Variants in ARHGAP17 observed in about 807,000 individuals in gnomAD.
The protein encoded by ARHGAP17 is Rho GTPase activating protein 17, also known as rho GTPase-activating protein 17.
A neutral mutation model predicts 99.5 loss-of-function variants in ARHGAP17; 57 were observed. The observed-to-expected ratio is 0.57, with a 90% CI of 0.46 to 0.71. The LOEUF is 0.71. Among genes scored for constraint, ARHGAP17 ranks in the 30% least tolerant of loss-of-function variants. ARHGAP17 has a pLI of 0.00. For missense variants in ARHGAP17, 1,000 were observed against 1,122.4 expected (o/e 0.89, Z 1.56); for synonymous variants, 417 against 429.6 (o/e 0.97, Z 0.36).
chr16:24,924,720 G>A (rs868091645), intron 19 of ARHGAP17, among the ~76,000 whole-genome samples: 7 of 151,792 alleles, frequency 4.6e-5, no homozygotes, highest in Non-Finnish European at 7.4e-5. Flanking sequence ...AAAATTAGCC[G>A]AGCACGGTAG....
intron 19 of ARHGAP17, among the ~76,000 whole-genome samples, chr16:24,930,180 C>T (rs969363160): frequency 2.0e-5 from 3 of 152,222 alleles, no homozygotes; most frequent in Admixed American, 6.5e-5. Flanking sequence ...ACTGGGTCTA[C>T]AGGAAAATCT....
At chr16:24,977,925 T>A (rs1189533268) in intron 2 of ARHGAP17, among the ~76,000 whole-genome samples, 2 of 152,214 alleles carry the variant, frequency 1.3e-5, no homozygotes, top group African/African-American at 4.8e-5. Flanking sequence ...TTTGGGATGC[T>A]TTCTATTTTA....
intron 1 of ARHGAP17, among the ~76,000 whole-genome samples, chr16:24,995,057 A>G (rs1348767140): frequency 3.9e-5 from 6 of 152,168 alleles, no homozygotes; most frequent in Non-Finnish European, 7.3e-5. Context: ...ATGCCGAGCA[A>G]AAGGGGGAAA....
intron 3 of ARHGAP17, among the ~76,000 whole-genome samples, chr16:24,973,428 T>C (rs974017268): frequency 2.0e-5 from 3 of 152,208 alleles, no homozygotes; most frequent in African/African-American, 4.8e-5. Context: ...CTCACCATTG[T>C]TGTGGTAACT....
chr16:24,927,987 G>T (rs1222590216), intron 19 of ARHGAP17, among the ~76,000 whole-genome samples: 1 of 152,178 alleles, frequency 6.6e-6, no homozygotes, highest in African/African-American at 2.4e-5. Flanking sequence ...AATCCCATTA[G>T]CCTTAACCCA....
chr16:25,008,985 A>G (rs7204157), intron 1 of ARHGAP17, among the ~76,000 whole-genome samples: 39,567 of 152,134 alleles, frequency 0.26, 6,031 homozygotes, highest in East Asian at 0.51. Context: ...ACCCTGCTCT[A>G]TGGAGAGGTT....
intron 3 of ARHGAP17, among the ~76,000 whole-genome samples, chr16:24,972,936 A>T (rs1413181529): frequency 8.4e-6 from 1 of 119,416 alleles, no homozygotes; most frequent in Admixed American, 7.9e-5. Context: ...CATCAGGGAT[A>T]ATTTTTTTTT....
intron 2 of ARHGAP17, among the ~76,000 whole-genome samples, chr16:24,978,605 G>A (rs1010431324): frequency 3.9e-5 from 6 of 152,042 alleles, no homozygotes; most frequent in Admixed American, 6.6e-5. Flanking sequence ...GCCAGGCTCC[G>A]TTCCCAGTGC....
At chr16:24,959,268 A>G (rs1419650246) in intron 9 of ARHGAP17, among the ~76,000 whole-genome samples, 1 of 152,198 alleles carries the variant, frequency 6.6e-6, no homozygotes, top group Non-Finnish European at 1.5e-5. Context: ...TCTCTTTTGG[A>G]AAGTCCAAAA....
chr16:24,988,181 C>T (rs757032655), intron 1 of ARHGAP17, among the ~76,000 whole-genome samples: 28 of 151,804 alleles, frequency 1.8e-4, no homozygotes, highest in Non-Finnish European at 3.7e-4. Flanking sequence ...GATTAGCTGT[C>T]GTCTTAGATT....
At chr16:24,952,478 G>A (rs2051673322) in intron 11 of ARHGAP17, 108 bp from the exon 12 acceptor site, 1 of 748,458 alleles carries the variant, frequency 1.3e-6, no homozygotes, top group Non-Finnish European at 2.1e-6. Context: ...CTTCCAAGGT[G>A]TACATAACAA....
At chr16:24,977,058 G>C (rs557246741) in intron 3 of ARHGAP17, among the ~76,000 whole-genome samples, 157 bp downstream of exon 3, 1 of 152,316 alleles carries the variant, frequency 6.6e-6, no homozygotes, top group East Asian at 1.9e-4. Context: ...AAACACAAAA[G>C]AATGCTATGG....
intron 19 of ARHGAP17, among the ~76,000 whole-genome samples, chr16:24,922,481 T>G (rs1309583595): frequency 6.6e-6 from 1 of 152,182 alleles, no homozygotes; most frequent in African/African-American, 2.4e-5. Flanking sequence ...AAATGTGTTT[T>G]GGGGCATAAA....
At chr16:24,924,456 T>TTTC (rs397704015) in intron 19 of ARHGAP17, among the ~76,000 whole-genome samples, 4 of 150,538 alleles carry the variant, frequency 2.7e-5, no homozygotes, top group Non-Finnish European at 5.9e-5. Context: ...TTTTTTTTTT[T>TTTC]AAATAAAATA....
intron 1 of ARHGAP17, among the ~76,000 whole-genome samples, chr16:24,981,269 G>A (rs1344828417): frequency 5.3e-5 from 8 of 151,986 alleles, no homozygotes; most frequent in Admixed American, 5.2e-4. Context: ...CAGCCACAAA[G>A]AAAATAAAGC....
intron 1 of ARHGAP17, among the ~76,000 whole-genome samples, chr16:24,996,402 G>A (rs2053193038): frequency 6.6e-6 from 1 of 152,142 alleles, no homozygotes; most frequent in South Asian, 2.1e-4. Flanking sequence ...GCGTTACCAG[G>A]CAAATCTAGC....
At chr16:24,969,345 T>A (rs2052290960) in intron 4 of ARHGAP17, among the ~76,000 whole-genome samples, 2 of 151,898 alleles carry the variant, frequency 1.3e-5, no homozygotes. Flanking sequence ...CCTCCACCCC[T>A]GCAAGCTCTC....
chr16:24,984,498 C>CAA (rs201880548), intron 1 of ARHGAP17, among the ~76,000 whole-genome samples: 1 of 148,866 alleles, frequency 6.7e-6, no homozygotes, highest in African/African-American at 2.5e-5. Flanking sequence ...ACTAAAAATA[C>CAA]AAAAAAAAAA....
At chr16:24,940,769 G>A (rs1164296939) in intron 16 of ARHGAP17, among the ~76,000 whole-genome samples, 3 of 152,198 alleles carry the variant, frequency 2.0e-5, no homozygotes, top group Non-Finnish European at 4.4e-5. Flanking sequence ...TGTGGCTGGA[G>A]AGGGTGGAAG....
Sources: allele counts gnomAD v4.1 joint callset (sites outside exome capture counted in the v4.1 genomes callset), GRCh38; gene constraint gnomAD v4.1.1; transcripts MANE v1.5; gene names NCBI Gene and HGNC (gene_info 2026-07-23, HGNC 2026-07-21).